Variants in ZBTB20 observed in about 807,000 individuals in gnomAD.
The protein encoded by ZBTB20 is zinc finger and BTB domain containing 20.
Under a neutral mutation model 56.9 loss-of-function variants are expected in ZBTB20, and 9 were observed. That is an observed-to-expected ratio of 0.16 (90% confidence interval 0.10 to 0.28). The LOEUF (loss-of-function observed/expected upper bound fraction) is 0.28, where lower values mean the gene tolerates loss of function less well. Ranked by LOEUF, ZBTB20 falls within the 10% of genes least tolerant of loss-of-function variation. ZBTB20 has a pLI of 1.00. For synonymous variants in ZBTB20, 417 were observed against 420.7 expected, an observed-to-expected ratio of 0.99 and a Z score of 0.11; for missense variants, 655 against 1,003.0, an observed-to-expected ratio of 0.65 and a Z score of 4.69.
intron 3 of ZBTB20, among the ~76,000 whole-genome samples, chr3:114,952,007 T>C (rs1483351215): frequency 1.3e-5 from 2 of 152,064 alleles, no homozygotes; most frequent in African/African-American, 4.8e-5. Context: ...AACTTTAAGA[T>C]AGATCAACTG....
intron 2 of ZBTB20, among the ~76,000 whole-genome samples, chr3:114,976,995 T>G (rs1207364547): frequency 6.6e-6 from 1 of 151,888 alleles, no homozygotes; most frequent in Non-Finnish European, 1.5e-5. Flanking sequence ...TCACATAATA[T>G]TTCACCTTTC....
chr3:115,120,185 A>G (rs1215814744), intron 1 of ZBTB20, among the ~76,000 whole-genome samples: 1 of 152,140 alleles, frequency 6.6e-6, no homozygotes, highest in African/African-American at 2.4e-5. Flanking sequence ...ACTCTGGGTG[A>G]CAAAGATGTA....
intron 6 of ZBTB20, among the ~76,000 whole-genome samples, chr3:114,666,362 C>A (rs936160124): frequency 6.6e-6 from 1 of 151,990 alleles, no homozygotes; most frequent in African/African-American, 2.4e-5. Context: ...TCTATCATAT[C>A]ATGAAAGAAT....
In ZBTB20 at chr3:114,410,085, C is replaced by T. The variant is rs569725195; in HGVS notation, c.-254-20980G>A. Among the ~76,000 whole-genome samples, 13 of 152,102 alleles carry T rather than the reference C, an allele frequency of 8.5e-5. No homozygotes were observed. In the South Asian group the frequency reaches 2.5e-3, roughly 29 times the overall value. ...TTCTCAGGCAACTCAGAGAGAGACC[C>T]AACATCCAGCAGATGTTTCTTCTGA... On this transcript the variant is annotated intron_variant, in intron 7 of 11. Coordinates refer to ENST00000675478, the MANE Select transcript of ZBTB20 (RefSeq NM_001348800.3).
chr3:114,638,621 T>C (rs1315102149), intron 6 of ZBTB20, among the ~76,000 whole-genome samples: 1 of 152,082 alleles, frequency 6.6e-6, no homozygotes, highest in Non-Finnish European at 1.5e-5. Flanking sequence ...TGATTAAATA[T>C]GCTAGACTTT....
In ZBTB20 at chr3:114,410,848, G is replaced by A. The variant is rs143953611; in HGVS notation, c.-254-21743C>T. Among the ~76,000 whole-genome samples, 773 of 152,204 alleles carry A rather than the reference G, an allele frequency of 5.1e-3. 5 individuals are homozygous for A. The highest frequency in any genetic ancestry group is 0.018 in the African/African-American group (728 of 41,540). Reference sequence around the variant, plus strand: ...GAGAGGAAGGGCTCCATTTTGAGCCGCCCATTTTCTGGAGGAGAGGTGGTG... The same window carrying A: ...GAGAGGAAGGGCTCCATTTTGAGCCACCCATTTTCTGGAGGAGAGGTGGTG... On this transcript the variant is annotated intron_variant, in intron 7 of 11. Transcript: ENST00000675478.
intron 11 of ZBTB20, among the ~76,000 whole-genome samples, chr3:114,340,353 G>A (rs1313189402): frequency 2.0e-5 from 3 of 151,434 alleles, no homozygotes; most frequent in African/African-American, 4.9e-5. Context: ...TTATTACAAG[G>A]ATACCTCCCA....
intron 6 of ZBTB20, among the ~76,000 whole-genome samples, chr3:114,632,301 T>A (rs1449960270): frequency 2.6e-5 from 4 of 152,176 alleles, no homozygotes; most frequent in Admixed American, 2.6e-4. Context: ...GCGTGAGTAC[T>A]GAGGATAAAT....
chr3:114,828,076 C>G (rs948878674), intron 4 of ZBTB20, among the ~76,000 whole-genome samples: 5 of 151,616 alleles, frequency 3.3e-5, no homozygotes, highest in African/African-American at 1.2e-4. Flanking sequence ...ATATGTTTTA[C>G]AAACATATTT....
At chr3:114,531,871 C>T (rs1171891474) in intron 6 of ZBTB20, among the ~76,000 whole-genome samples, 1 of 152,092 alleles carries the variant, frequency 6.6e-6, no homozygotes, top group Non-Finnish European at 1.5e-5. Flanking sequence ...TCGCTTCACC[C>T]AGGAAGCACA....
chr3:115,092,249 T>C (rs1022939324), intron 1 of ZBTB20, among the ~76,000 whole-genome samples: 1 of 151,866 alleles, frequency 6.6e-6, no homozygotes. Context: ...AAATGTCCTG[T>C]TTTTTTGTTG....
intron 7 of ZBTB20, among the ~76,000 whole-genome samples, chr3:114,432,157 T>C (rs1364318488): frequency 1.1e-5 from 1 of 90,510 alleles, no homozygotes; most frequent in Non-Finnish European, 2.4e-5. Context: ...CTGAAGGATT[T>C]TGATTCCATT....
At chr3:114,986,929 T>A (rs2078571119) in intron 2 of ZBTB20, among the ~76,000 whole-genome samples, 1 of 152,128 alleles carries the variant, frequency 6.6e-6, no homozygotes, top group African/African-American at 2.4e-5. Flanking sequence ...GCCCGTCTAA[T>A]CATGATAACC....
intron 6 of ZBTB20, among the ~76,000 whole-genome samples, chr3:114,636,553 A>G (rs1271719789): frequency 6.6e-6 from 1 of 152,094 alleles, no homozygotes; most frequent in Non-Finnish European, 1.5e-5. Flanking sequence ...TAGGAGAAGT[A>G]AAAGAGTAGA....
rs1002534392 is a variant in ZBTB20, at chr3:114,319,191, AAC to A, written c.*19812_*19813del. ...TTTTAAATAATGTCTTCACCAAAAA[AAC>A]AGTCTTGTACCAATAAAATGCATTC... On this transcript the variant is annotated 3_prime_UTR_variant, in exon 12 of 12. Coordinates refer to ENST00000675478, the MANE Select transcript of ZBTB20 (RefSeq NM_001348800.3). 12 of 152,032 alleles carry A rather than the reference AAC, an allele frequency of 7.9e-5. No homozygotes were observed. Among genetic ancestry groups the A allele is most frequent in the African/African-American group, 2.9e-4 (12 of 41,496 alleles). The allele number at this position is 152,032 out of a possible 1,614,324, so 9.4% of individuals were successfully genotyped here.
chr3:114,916,530 C>T (rs1370352315), intron 3 of ZBTB20, among the ~76,000 whole-genome samples: 1 of 152,036 alleles, frequency 6.6e-6, no homozygotes, highest in Non-Finnish European at 1.5e-5. Context: ...CATTAACATC[C>T]CTTTCTTTCT....
intron 7 of ZBTB20, among the ~76,000 whole-genome samples, chr3:114,420,054 A>G (rs1443655529): frequency 6.6e-6 from 1 of 152,156 alleles, no homozygotes; most frequent in African/African-American, 2.4e-5. Flanking sequence ...TGTAAACTTA[A>G]AAAGAGCAAC....
At chr3:114,950,295 T>C (rs1300668051) in intron 3 of ZBTB20, among the ~76,000 whole-genome samples, 1 of 152,228 alleles carries the variant, frequency 6.6e-6, no homozygotes, top group African/African-American at 2.4e-5. Context: ...ATTTAATTTA[T>C]TTAACATTAA....
At chr3:114,507,533 G>A (rs189329055) in intron 6 of ZBTB20, among the ~76,000 whole-genome samples, 9 of 152,210 alleles carry the variant, frequency 5.9e-5, no homozygotes, top group Admixed American at 3.3e-4. Flanking sequence ...ACATTAAACC[G>A]TCCAGTGCAG....
Sources: allele counts gnomAD v4.1 joint callset (sites outside exome capture counted in the v4.1 genomes callset), GRCh38; gene constraint gnomAD v4.1.1; transcripts MANE v1.5; gene names NCBI Gene and HGNC (gene_info 2026-07-23, HGNC 2026-07-21).